HDX: variants seen among roughly 807,000 people sequenced by gnomAD.
The protein encoded by HDX is highly divergent homeobox.
Under a neutral mutation model 45.2 loss-of-function variants are expected in HDX, and 19 were observed. The observed-to-expected ratio is 0.42, with a 90% CI of 0.29 to 0.62. The LOEUF (loss-of-function observed/expected upper bound fraction) is 0.62. Ranked by LOEUF, HDX falls within the 20% of genes least tolerant of loss-of-function variation. The pLI is 0.20. For missense variants in HDX, 532 were observed against 493.9 expected (o/e 1.08, Z -0.73); for synonymous variants, 188 against 172.8 (o/e 1.09, Z -0.69).
At chrX:84,435,967 A>C (rs1289525874) in intron 5 of HDX, among the ~76,000 whole-genome samples, 1 of 90,126 alleles carries the variant, frequency 1.1e-5, no homozygotes, top group Non-Finnish European at 2.2e-5. Context: ...TGCTATAAAG[A>C]CACATGCACA....
rs1174078885 is a variant in HDX, at chrX:84,321,320, A to G, written c.*569T>C. The G allele has an allele frequency of 1.8e-5, 2 of 111,102 alleles. No individual in the cohort carries two copies. The highest frequency in any genetic ancestry group is 3.8e-5 in the Non-Finnish European group (2 of 52,566). 9.2% of individuals were successfully genotyped at this position (111,102 alleles called of 1,213,427 possible). On this transcript the variant is annotated 3_prime_UTR_variant, in exon 11 of 11. Coordinates refer to ENST00000373177, the MANE Select transcript of HDX (RefSeq NM_001177479.2). The stretch of plus-strand genomic sequence containing the variant: ...AATAGAAGAACACCAGCAATTTACA[A>G]TTACATACCTGTAATCATTTAATTT...
At chrX:84,427,935 C>T (rs1243648817) in intron 5 of HDX, among the ~76,000 whole-genome samples, 1 of 110,891 alleles carries the variant, frequency 9.0e-6, no homozygotes, top group Non-Finnish European at 1.9e-5. Flanking sequence ...AATTCTTCCA[C>T]ATCCTCATCA....
chrX:84,398,389 A>C (rs1263898024), intron 5 of HDX, among the ~76,000 whole-genome samples: 1 of 111,663 alleles, frequency 9.0e-6, no homozygotes, highest in African/African-American at 3.3e-5. Context: ...AAATTTACCA[A>C]GCAAATGGAA....
intron 5 of HDX, among the ~76,000 whole-genome samples, chrX:84,410,695 A>G (rs4474161): frequency 0.19 from 20,754 of 110,976 alleles, 1,936 homozygotes; most frequent in East Asian, 0.68. Context: ...TAGTTAGAGA[A>G]AAGTCCCACC....
intron 5 of HDX, among the ~76,000 whole-genome samples, chrX:84,415,940 G>C (rs1454797272): frequency 8.9e-6 from 1 of 111,929 alleles, no homozygotes; most frequent in Non-Finnish European, 1.9e-5. Flanking sequence ...TCATAACTAG[G>C]CCACAATATT....
chrX:84,491,241 T>G (rs2040887901), intron 1 of HDX, among the ~76,000 whole-genome samples: 1 of 112,084 alleles, frequency 8.9e-6, no homozygotes, highest in Non-Finnish European at 1.9e-5. Flanking sequence ...TTCTCTCTAC[T>G]TTTCATTTTG....
intron 6 of HDX, 32 bp downstream of exon 6, chrX:84,361,434 C>T: frequency 2.5e-6 from 3 of 1,180,397 alleles, no homozygotes; most frequent in South Asian, 3.7e-5. Flanking sequence ...CATTCAGCAA[C>T]TATAGCATGA....
intron 5 of HDX, among the ~76,000 whole-genome samples, chrX:84,406,480 AC>A (rs2038825909): frequency 6.3e-5 from 5 of 78,833 alleles, no homozygotes; most frequent in Non-Finnish European, 9.7e-5. Flanking sequence ...ACACACACAC[AC>A]ACACACACAC....
chrX:84,375,428 A>G (rs1455906777), intron 5 of HDX, among the ~76,000 whole-genome samples: 1 of 111,553 alleles, frequency 9.0e-6, no homozygotes, highest in African/African-American at 3.3e-5. Flanking sequence ...TCATGCTGCT[A>G]TAAAGACACA....
intron 5 of HDX, among the ~76,000 whole-genome samples, chrX:84,371,371 C>A (rs2037890057): frequency 8.9e-6 from 1 of 111,926 alleles, no homozygotes; most frequent in Non-Finnish European, 1.9e-5. Context: ...TAAACATGAG[C>A]CTTCTTCTGA....
At chrX:84,477,468 T>C (rs772980426) in intron 2 of HDX, among the ~76,000 whole-genome samples, 3 of 112,116 alleles carry the variant, frequency 2.7e-5, no homozygotes, top group African/African-American at 6.5e-5. Flanking sequence ...GACTGAGTAT[T>C]AAACAGATTT....
chrX:84,415,429 T>C (rs1185464732), intron 5 of HDX, among the ~76,000 whole-genome samples: 2 of 111,815 alleles, frequency 1.8e-5, no homozygotes, highest in Non-Finnish European at 3.8e-5. Context: ...CATTGGTTCC[T>C]GTTTTTCCAC....
intron 5 of HDX, among the ~76,000 whole-genome samples, chrX:84,436,268 G>A (rs943209545): frequency 1.4e-5 from 1 of 73,661 alleles, no homozygotes; most frequent in Non-Finnish European, 2.5e-5. Flanking sequence ...TCACACTCTG[G>A]GGACTGTGGT....
At chrX:84,364,380 T>C (rs962396006) in intron 5 of HDX, among the ~76,000 whole-genome samples, 2 of 110,129 alleles carry the variant, frequency 1.8e-5, no homozygotes, top group African/African-American at 3.3e-5. Flanking sequence ...CTTTTTTTAG[T>C]GACAAGAACA....
intron 1 of HDX, among the ~76,000 whole-genome samples, chrX:84,491,500 C>A (rs945142544): frequency 7.2e-5 from 8 of 111,804 alleles, no homozygotes; most frequent in African/African-American, 2.3e-4. Context: ...TAATTTCACA[C>A]CCTTTTTTAT....
chrX:84,404,366 A>T (rs1322875338), intron 5 of HDX, among the ~76,000 whole-genome samples: 1 of 111,750 alleles, frequency 8.9e-6, no homozygotes, highest in Non-Finnish European at 1.9e-5. Context: ...CATCTGTAGG[A>T]TATTACAGCA....
chrX:84,399,001 G>T (rs958637801), intron 5 of HDX, among the ~76,000 whole-genome samples: 20 of 111,480 alleles, frequency 1.8e-4, no homozygotes, highest in Non-Finnish European at 7.5e-5. Flanking sequence ...CAGGCATCAA[G>T]AAATTCTTTG....
At chrX:84,454,043 C>T (rs2040061512) in intron 4 of HDX, among the ~76,000 whole-genome samples, 1 of 111,536 alleles carries the variant, frequency 9.0e-6, no homozygotes, top group Admixed American at 9.5e-5. Context: ...CTGACGTGCC[C>T]TTTGAACCTG....
At chrX:84,465,396 A>G (rs771014647) in intron 4 of HDX, among the ~76,000 whole-genome samples, 6 of 112,438 alleles carry the variant, frequency 5.3e-5, no homozygotes, top group Non-Finnish European at 7.5e-5. Context: ...CACTATTGAC[A>G]ATAACAAAGG....
Sources: allele counts gnomAD v4.1 joint callset (sites outside exome capture counted in the v4.1 genomes callset), GRCh38; gene constraint gnomAD v4.1.1; transcripts MANE v1.5; gene names NCBI Gene and HGNC (gene_info 2026-07-23, HGNC 2026-07-21).